The following DOCK1 variants were observed in gnomAD, a reference collection of about 807,000 sequenced individuals.
The protein encoded by DOCK1 is dedicator of cytokinesis protein 1.
A neutral mutation model predicts 262.7 loss-of-function variants in DOCK1; 138 were observed. The ratio of observed to expected loss-of-function variants is 0.53; its 90% CI spans 0.46 to 0.61. DOCK1 has a LOEUF of 0.61. Ranked by LOEUF, DOCK1 falls within the 20% of genes least tolerant of loss-of-function variation. The probability of loss-of-function intolerance (pLI) is 0.00; values close to 1 mark genes in which losing one functional copy is unlikely to be tolerated. For synonymous variants in DOCK1, 866 were observed against 867.4 expected (o/e 1.00, Z 0.03); for missense variants, 1,908 against 2,370.7 (o/e 0.80, Z 4.05).
intron 27 of DOCK1, among the ~76,000 whole-genome samples, chr10:127,210,024 A>G (rs1353868362): frequency 1.3e-5 from 2 of 152,182 alleles, no homozygotes; most frequent in Non-Finnish European, 2.9e-5. Flanking sequence ...GGCTGCTGGT[A>G]CAAATCATCT....
intron 29 of DOCK1, among the ~76,000 whole-genome samples, chr10:127,292,700 A>C (rs2061385319): frequency 6.6e-6 from 1 of 152,092 alleles, no homozygotes; most frequent in African/African-American, 2.4e-5. Flanking sequence ...TCAAGGTGCA[A>C]CGTGCCTGCT....
At chr10:127,194,531 A>AT (rs2056965928) in intron 27 of DOCK1, among the ~76,000 whole-genome samples, 1 of 152,240 alleles carries the variant, frequency 6.6e-6, no homozygotes, top group African/African-American at 2.4e-5. Flanking sequence ...GCATAGTGAA[A>AT]TGACGGTAAC....
chr10:126,982,574 A>G (rs1362836406), intron 4 of DOCK1, among the ~76,000 whole-genome samples: 1 of 152,246 alleles, frequency 6.6e-6, no homozygotes, highest in Non-Finnish European at 1.5e-5. Flanking sequence ...TCTCTGCTAC[A>G]TCTTCACACT....
chr10:127,065,777 G>A (rs911633716), intron 23 of DOCK1, among the ~76,000 whole-genome samples: 1 of 152,046 alleles, frequency 6.6e-6, no homozygotes, highest in African/African-American at 2.4e-5. Context: ...AAGGCCTGGG[G>A]TCAGAGGCGG....
At chr10:127,220,735 A>G (rs139369792) in intron 27 of DOCK1, among the ~76,000 whole-genome samples, 2 of 152,274 alleles carry the variant, frequency 1.3e-5, no homozygotes, top group East Asian at 3.9e-4. Flanking sequence ...TGGGGGCCGT[A>G]GAATTCCATC....
intron 27 of DOCK1, among the ~76,000 whole-genome samples, chr10:127,150,747 T>C (rs1440901930): frequency 2.6e-5 from 4 of 152,176 alleles, no homozygotes; most frequent in South Asian, 4.2e-4. Flanking sequence ...TTGGAAAGAG[T>C]GGGGTACCAC....
chr10:126,918,529 C>T (rs1248351784), intron 1 of DOCK1, among the ~76,000 whole-genome samples: 1 of 152,236 alleles, frequency 6.6e-6, no homozygotes, highest in Non-Finnish European at 1.5e-5. Context: ...CCCTGGGGAG[C>T]TGTCCTGTAC....
intron 38 of DOCK1, among the ~76,000 whole-genome samples, chr10:127,395,343 G>C (rs2066756638): frequency 2.0e-5 from 3 of 152,076 alleles, no homozygotes; most frequent in Admixed American, 2.0e-4. Flanking sequence ...GTCCTGGCAG[G>C]TGTGGCGGCG....
intron 27 of DOCK1, among the ~76,000 whole-genome samples, chr10:127,214,283 G>T (rs774211936): frequency 2.6e-5 from 4 of 152,122 alleles, no homozygotes; most frequent in African/African-American, 4.8e-5. Context: ...GCCCAGCTGT[G>T]CACGTCTTCT....
chr10:127,292,791 T>C (rs565744203), intron 29 of DOCK1, among the ~76,000 whole-genome samples: 2 of 152,208 alleles, frequency 1.3e-5, no homozygotes, highest in African/African-American at 4.8e-5. Flanking sequence ...TGGGCTTTAA[T>C]GTTTTGTGCT....
chr10:127,260,762 T>A (rs2060007706), intron 29 of DOCK1, among the ~76,000 whole-genome samples: 1 of 142,354 alleles, frequency 7.0e-6, no homozygotes, highest in African/African-American at 2.7e-5. Flanking sequence ...CCCGTGCTCA[T>A]CTGTGTGTGT....
chr10:127,362,966 CATA>C (rs2064643244), intron 33 of DOCK1, among the ~76,000 whole-genome samples: 3 of 118,284 alleles, frequency 2.5e-5, no homozygotes, highest in Non-Finnish European at 5.3e-5. Context: ...TGCATCCCCA[CATA>C]CACATACACA....
intron 1 of DOCK1, among the ~76,000 whole-genome samples, chr10:126,942,974 A>C (rs1211934467): frequency 6.6e-6 from 1 of 152,062 alleles, no homozygotes; most frequent in Admixed American, 6.6e-5. Context: ...ACAAACAAAT[A>C]GGCCGGACGT....
At chr10:127,306,618 C>T (rs1160857753) in intron 29 of DOCK1, among the ~76,000 whole-genome samples, 1 of 152,108 alleles carries the variant, frequency 6.6e-6, no homozygotes. Context: ...AGGGGTTTAT[C>T]CCCTATTCAG....
intron 29 of DOCK1, chr10:127,257,762 G>C: frequency 5.1e-6 from 1 of 195,814 alleles, no homozygotes; most frequent in Non-Finnish European, 1.1e-5. Context: ...ATTTGTATCA[G>C]CCCTAGGCAC....
intron 5 of DOCK1, among the ~76,000 whole-genome samples, chr10:126,989,005 G>A (rs995663573): frequency 2.0e-5 from 3 of 151,570 alleles, no homozygotes; most frequent in Non-Finnish European, 2.9e-5. Context: ...CCTGGAAGGC[G>A]GAGGTTGCAA....
At chr10:127,128,943 A>T (rs933074076) in intron 27 of DOCK1, among the ~76,000 whole-genome samples, 2 of 152,224 alleles carry the variant, frequency 1.3e-5, no homozygotes, top group Non-Finnish European at 2.9e-5. Flanking sequence ...ATGACTTGAA[A>T]GGAGAAAACG....
chr10:127,076,590 G>T (rs531241485), intron 23 of DOCK1, among the ~76,000 whole-genome samples: 1 of 152,332 alleles, frequency 6.6e-6, no homozygotes, highest in African/African-American at 2.4e-5. Context: ...AAGGCAGAGT[G>T]TGCCCCAGGG....
chr10:126,919,428 A>G (rs905525939), intron 1 of DOCK1, among the ~76,000 whole-genome samples: 6 of 151,928 alleles, frequency 3.9e-5, no homozygotes, highest in Admixed American at 1.3e-4. Flanking sequence ...TTTCCTGACA[A>G]TTTTTCAAAG....
Sources: gnomAD v4.1 joint callset for allele counts (sites outside exome capture counted in the v4.1 genomes callset) on GRCh38, gnomAD v4.1.1 for gene constraint, MANE v1.5 for transcripts, NCBI Gene and HGNC (gene_info 2026-07-23, HGNC 2026-07-21) for gene names.